The following GRIK4 variants were observed in gnomAD, a reference collection of about 807,000 sequenced individuals.
GRIK4 encodes glutamate receptor ionotropic, kainate 4.
GRIK4 carries 40 observed loss-of-function variants against 104.9 expected under a neutral mutation model. The ratio of observed to expected loss-of-function variants is 0.38; its 90% confidence interval spans 0.30 to 0.50. The LOEUF is 0.50. GRIK4 is among the 20% of genes least tolerant of loss of function. The probability of loss-of-function intolerance (pLI) is 0.93; values close to 1 mark genes in which losing one functional copy is unlikely to be tolerated. For missense variants in GRIK4, 1,047 were observed against 1,308.1 expected, an observed-to-expected ratio of 0.80 and a Z score of 3.08; for synonymous variants, 485 against 524.9, an observed-to-expected ratio of 0.92 and a Z score of 1.04.
chr11:120,911,975 C>G (rs1388292460), intron 13 of GRIK4, among the ~76,000 whole-genome samples: 1 of 152,080 alleles, frequency 6.6e-6, no homozygotes, highest in East Asian at 1.9e-4. Context: ...CCATGGCTAA[C>G]ACTTCTGTAT....
At chr11:120,612,386 C>G (rs1949048676) in intron 1 of GRIK4, among the ~76,000 whole-genome samples, 1 of 151,828 alleles carries the variant, frequency 6.6e-6, no homozygotes, top group Non-Finnish European at 1.5e-5. Context: ...TCCGTGAGAG[C>G]AAGGATTTTA....
intron 1 of GRIK4, among the ~76,000 whole-genome samples, chr11:120,636,024 A>G (rs771565297): frequency 3.3e-5 from 5 of 152,178 alleles, no homozygotes; most frequent in Non-Finnish European, 4.4e-5. Flanking sequence ...GACTTCTTCA[A>G]TGCGTCTACC....
intron 3 of GRIK4, among the ~76,000 whole-genome samples, chr11:120,686,630 A>G (rs1194705261): frequency 6.6e-6 from 1 of 152,240 alleles, no homozygotes; most frequent in Non-Finnish European, 1.5e-5. Context: ...ATGCTAACAG[A>G]GGGAAGCAGT....
chr11:120,726,467 G>T (rs1395019187), intron 3 of GRIK4, among the ~76,000 whole-genome samples: 1 of 152,150 alleles, frequency 6.6e-6, no homozygotes, highest in African/African-American at 2.4e-5. Context: ...AAAAGCAATT[G>T]AATTAGAGAT....
In GRIK4 at chr11:120,678,180, A is replaced by G. The variant is rs1950131759; in HGVS notation, c.82+17780A>G. Among the ~76,000 whole-genome samples, 11 of 152,330 alleles carry G rather than the reference A, an allele frequency of 7.2e-5. 1 individual carries two copies. The South Asian group carries it at 2.1e-3, about 29-fold the overall frequency. On this transcript the variant is annotated intron_variant, in intron 3 of 20. Coordinates refer to ENST00000527524, the MANE Select transcript of GRIK4 (RefSeq NM_014619.5). ...TGTGATTGAGGTCTGCCCAAGACCC[A>G]TGGGACAACCTCCGTTTCTTTAGGG...
At chr11:120,684,483 A>C (rs984157067) in intron 3 of GRIK4, among the ~76,000 whole-genome samples, 3 of 152,228 alleles carry the variant, frequency 2.0e-5, no homozygotes, top group Non-Finnish European at 4.4e-5. Context: ...AACCTCTAAG[A>C]GTTTGTGGAG....
At chr11:120,913,348 A>G (rs1423301573) in intron 13 of GRIK4, among the ~76,000 whole-genome samples, 1 of 151,870 alleles carries the variant, frequency 6.6e-6, no homozygotes, top group African/African-American at 2.4e-5. Context: ...CTGGCCCATA[A>G]AGAGATTGCA....
chr11:120,982,745 A>AT (rs34843975), intron 20 of GRIK4, among the ~76,000 whole-genome samples: 1 of 151,950 alleles, frequency 6.6e-6, no homozygotes, highest in South Asian at 2.1e-4. Flanking sequence ...GCATTATTAG[A>AT]TTTTTTTTAA....
At chr11:120,962,113 A>G (rs1424753359) in intron 17 of GRIK4, among the ~76,000 whole-genome samples, 1 of 152,218 alleles carries the variant, frequency 6.6e-6, no homozygotes, top group Admixed American at 6.5e-5. Flanking sequence ...CAATGAAGGT[A>G]CCCAGCCAGA....
intron 3 of GRIK4, among the ~76,000 whole-genome samples, chr11:120,762,406 C>T (rs1205471418): frequency 1.3e-5 from 2 of 152,198 alleles, no homozygotes. Context: ...ATTTGACTTC[C>T]TCTCTTCCTA....
At chr11:120,764,863 A>G (rs1161261895) in intron 3 of GRIK4, among the ~76,000 whole-genome samples, 2 of 152,022 alleles carry the variant, frequency 1.3e-5, no homozygotes, top group Non-Finnish European at 2.9e-5. Context: ...GGGTAACCCG[A>G]CCTTTCTCTC....
In GRIK4 at chr11:120,639,250, G is replaced by A. The variant is rs1446526905; in HGVS notation, c.-158-14435G>A. On this transcript the variant is annotated intron_variant, in intron 1 of 20. Transcript: ENST00000527524. Reference sequence around the variant, plus strand: ...AGCAGAGGTCAGTGTCTGGCCAGTGGTCAAAGCCTACAAAGCACAAGCTTG... The same window carrying A: ...AGCAGAGGTCAGTGTCTGGCCAGTGATCAAAGCCTACAAAGCACAAGCTTG... Among the ~76,000 whole-genome samples the A allele has an allele frequency of 2.6e-5, 4 of 152,156 alleles. 1 individual carries two copies. Among genetic ancestry groups the A allele is most frequent in the Non-Finnish European group, 1.5e-5 (1 of 68,016 alleles).
At chr11:120,906,751 G>C (rs1350792861) in intron 13 of GRIK4, among the ~76,000 whole-genome samples, 1 of 152,216 alleles carries the variant, frequency 6.6e-6, no homozygotes, top group Non-Finnish European at 1.5e-5. Context: ...GAACTGAGGA[G>C]GGAGGATACT....
chr11:120,720,012 T>C (rs1950901826), intron 3 of GRIK4, among the ~76,000 whole-genome samples: 1 of 151,258 alleles, frequency 6.6e-6, no homozygotes, highest in South Asian at 2.1e-4. Flanking sequence ...AAAAAAGATT[T>C]GGGGAAACAT....
chr11:120,945,304 A>G (rs1285825002), intron 14 of GRIK4, among the ~76,000 whole-genome samples: 1 of 152,148 alleles, frequency 6.6e-6, no homozygotes, highest in East Asian at 1.9e-4. Context: ...CCCTCTGCCT[A>G]TACTTCTATT....
chr11:120,673,837 C>T (rs1591792758), intron 3 of GRIK4, among the ~76,000 whole-genome samples: 1 of 152,174 alleles, frequency 6.6e-6, no homozygotes, highest in Non-Finnish European at 1.5e-5. Context: ...ACTGGGGGAG[C>T]CTTGACCAGT....
At chr11:120,779,976 GC>G (rs1320294447) in intron 3 of GRIK4, among the ~76,000 whole-genome samples, 2 of 152,138 alleles carry the variant, frequency 1.3e-5, no homozygotes, top group Non-Finnish European at 2.9e-5. Flanking sequence ...CTTTGTATTG[GC>G]TTAGGCAGCT....
chr11:120,928,703 A>G (rs1054764322), intron 13 of GRIK4, among the ~76,000 whole-genome samples: 2 of 152,182 alleles, frequency 1.3e-5, no homozygotes, highest in Non-Finnish European at 2.9e-5. Context: ...CCAATAACAC[A>G]GCCCTGTGCC....
At chr11:120,518,471 A>G (rs1461807177) in intron 1 of GRIK4, among the ~76,000 whole-genome samples, 1 of 152,000 alleles carries the variant, frequency 6.6e-6, no homozygotes, top group East Asian at 1.9e-4. Flanking sequence ...TTTAATCAGA[A>G]AAGTCTATAG....
Sources: gnomAD v4.1 joint callset for allele counts (sites outside exome capture counted in the v4.1 genomes callset) on GRCh38, gnomAD v4.1.1 for gene constraint, MANE v1.5 for transcripts, NCBI Gene and HGNC (gene_info 2026-07-23, HGNC 2026-07-21) for gene names.